Variants in CMPK2 observed in about 807,000 individuals in gnomAD.
The protein encoded by CMPK2 is cytidine/uridine monophosphate kinase 2, also known as UMP-CMP kinase 2, mitochondrial.
A neutral mutation model predicts 33.4 loss-of-function variants in CMPK2; 32 were observed. The observed-to-expected ratio is 0.96, with a 90% CI of 0.72 to 1.29. The LOEUF (loss-of-function observed/expected upper bound fraction) is 1.29, where lower values mean the gene tolerates loss of function less well. CMPK2 is among the 50% of genes most tolerant of loss of function. The probability of loss-of-function intolerance (pLI) is 0.00; values close to 1 mark genes in which losing one functional copy is unlikely to be tolerated. For synonymous variants in CMPK2, 299 were observed against 275.3 expected (o/e 1.09, Z -0.85); for missense variants, 672 against 616.0 (o/e 1.09, Z -0.96).
chr2:6,865,575 G>A lies in CMPK2; in HGVS notation c.122C>T (p.Thr41Ile), dbSNP rs1663052734. The part of the protein sequence containing the change: ...RRFVLELPDC[T>I]LAHFALGADA... ...GGCGCCTAGGGCGAAGTGAGCCAGG[G>A]TGCAGTCGGGAAGCTCCAGGACGAA... Residue 41 changes from threonine (T) to isoleucine (I), a missense_variant, in exon 1 of 5, where the codon ACC becomes ATC. Thr to Ile is a moderately conservative substitution (Grantham distance 89). Transcript: ENST00000256722. 2.3e-5 allele frequency: 32 copies of A among 1,378,944 alleles called. No individual in the cohort carries two copies. Among genetic ancestry groups the A allele is most frequent in the Non-Finnish European group, 3.0e-5 (32 of 1,066,034 alleles). The allele number at this position is 1,378,944 out of a possible 1,614,324, so 85.4% of individuals were successfully genotyped here. A position where few individuals can be genotyped will look rare whatever the true frequency, so the allele number is the denominator to read the frequency against.
chr2:6,853,837 G>A (rs1347078737), intron 3 of CMPK2, among the ~76,000 whole-genome samples: 1 of 152,092 alleles, frequency 6.6e-6, no homozygotes, highest in Non-Finnish European at 1.5e-5. Context: ...GGAAGGCAGA[G>A]CTTGCAGTGA....
At chr2:6,863,622 T>C in intron 1 of CMPK2, 44 bp from the exon 2 acceptor site, 1 of 1,462,688 alleles carries the variant, frequency 6.8e-7, no homozygotes, top group Non-Finnish European at 9.5e-7. Context: ...CCAGGGGGCT[T>C]TTGCAGAAAT....
At chr2:6,850,831 G>T in intron 4 of CMPK2, 2 of 987,198 alleles carry the variant, frequency 2.0e-6, no homozygotes, top group Non-Finnish European at 1.2e-6. Flanking sequence ...GTGTAGAACT[G>T]ATTCATACTC....
At chr2:6,850,853 A>G in intron 4 of CMPK2, 2 of 989,798 alleles carry the variant, frequency 2.0e-6, no homozygotes, top group African/African-American at 3.5e-5. Context: ...GTCATGAGGC[A>G]GGAGGCCTGG....
downstream of CMPK2, among the ~76,000 whole-genome samples, chr2:6,847,007 G>A (rs985746199): frequency 1.6e-4 from 24 of 152,160 alleles, no homozygotes; most frequent in Non-Finnish European, 2.9e-4. Flanking sequence ...GGGTGAAGTT[G>A]GAGTGAAACT....
In CMPK2 at chr2:6,841,965, G is replaced by A. The variant is rs554098640; in HGVS notation, c.993-1287C>T. Among the ~76,000 whole-genome samples, 41 of 152,282 alleles carry A rather than the reference G, an allele frequency of 2.7e-4. 1 individual carries two copies. Among genetic ancestry groups the A allele is most frequent in the African/African-American group, 8.9e-4 (37 of 41,562 alleles). Reference sequence around the variant, plus strand: ...AAGCATACTTAGAATCCATATATATGTTAACTGCCTTAGCTTTGCTTAGTT... The same window carrying A: ...AAGCATACTTAGAATCCATATATATATTAACTGCCTTAGCTTTGCTTAGTT... On this transcript the variant is annotated intron_variant, in intron 3 of 3. Coordinates refer to the CMPK2 transcript ENST00000458098.
At chr2:6,859,682 T>C (rs549243784) in intron 3 of CMPK2, among the ~76,000 whole-genome samples, 5 of 152,270 alleles carry the variant, frequency 3.3e-5, no homozygotes, top group East Asian at 3.9e-4. Flanking sequence ...AGAGGATGTA[T>C]GGAAATGCCT....
chr2:6,851,278 C>T, intron 4 of CMPK2, 172 bp downstream of exon 4: 1 of 1,451,008 alleles, frequency 6.9e-7, no homozygotes. Context: ...AATGCTGCAG[C>T]CCTGTGGTGA....
chr2:6,848,071 T>A (rs7426321), downstream of CMPK2, among the ~76,000 whole-genome samples: 3 of 152,162 alleles, frequency 2.0e-5, no homozygotes, highest in South Asian at 6.2e-4. Flanking sequence ...ATATAAAAAG[T>A]CCAGGTGTAA....
At position 6,851,611 on chromosome 2, in the gene CMPK2, GGCTGGGGGCAGGT is replaced by G; in HGVS notation, c.1052_1064del (p.His351ProfsTer23). ...CTGGCCACTGGTACACAGGGTGATG[GGCTGGGGGCAGGT>G]GCTGGAGACCCCCACTCACCTCAGT... is the stretch of plus-strand genomic sequence containing the variant. On this transcript the variant is annotated frameshift_variant, in exon 4 of 5. Coordinates refer to ENST00000256722, the MANE Select transcript of CMPK2 (RefSeq NM_207315.4). LOFTEE classifies it high-confidence loss of function. 1 of 1,614,188 alleles carries G rather than the reference GGCTGGGGGCAGGT, an allele frequency of 6.2e-7. No individual in the cohort carries two copies. The highest frequency in any genetic ancestry group is 8.5e-7 in the Non-Finnish European group (1 of 1,180,038).
rs1229882872 is a variant in CMPK2, at chr2:6,843,014, A to T, written c.993-2336T>A. The stretch of plus-strand genomic sequence containing the variant: ...TTTTTGAGAAAGTCCCTCAGTTGGG[A>T]CACAGAGGGGAATATCATCTACTTA... On this transcript the variant is annotated intron_variant, in intron 3 of 3. Coordinates refer to the CMPK2 transcript ENST00000458098. Among the ~76,000 whole-genome samples the T allele has an allele frequency of 2.1e-3, 316 of 152,310 alleles. 1 individual carries two copies. Among genetic ancestry groups the T allele is most frequent in the Non-Finnish European group, 3.5e-3 (238 of 68,022 alleles).
intron 3 of CMPK2, among the ~76,000 whole-genome samples, chr2:6,856,508 T>C (rs1662708315): frequency 6.6e-6 from 1 of 152,240 alleles, no homozygotes; most frequent in Admixed American, 6.5e-5. Flanking sequence ...TTTACATTTA[T>C]GATTAATGTT....
At chr2:6,861,098 ACACACGC>A in intron 3 of CMPK2, 79 bp downstream of exon 3, 1 of 47,638 alleles carries the variant, frequency 2.1e-5, no homozygotes, top group Non-Finnish European at 4.1e-5. Context: ...ACGTATACAC[ACACACGC>A]ACACACACAC....
rs757223880 is a variant in CMPK2, at chr2:6,865,141, G to A, written c.556C>T (p.Gln186Ter). 8.5e-6 allele frequency: 13 copies of A among 1,526,842 alleles called. No homozygotes were observed. The highest frequency in any genetic ancestry group is 1.1e-5 in the Non-Finnish European group (13 of 1,138,310). 94.6% of individuals were successfully genotyped at this position (1,526,842 alleles called of 1,614,324 possible). Residue 186 changes from glutamine to a stop codon, truncating the protein, a stop_gained, in exon 1 of 5, where the codon CAG (glutamine) becomes TAG (stop). Coordinates refer to ENST00000256722, the MANE Select transcript of CMPK2 (RefSeq NM_207315.4). LOFTEE classifies it high-confidence loss of function. ...LWEVQDGRRL[Q>*]VGCAQVVPVP... is the part of the protein sequence containing the mutation. ...GGCACGACCTGTGCGCAGCCCACCT[G>A]CAGCCGCCTGCCGTCTTGCACCTCC...
intron 3 of CMPK2, among the ~76,000 whole-genome samples, chr2:6,857,331 A>ATTT (rs796422164): frequency 8.0e-6 from 1 of 125,418 alleles, no homozygotes; most frequent in Admixed American, 8.0e-5. Flanking sequence ...TGTTTTTGGG[A>ATTT]TTTTTTTTTT....
Position 6,849,933 on chromosome 2 carries a change from G to A in CMPK2, c.1267C>T (p.His423Tyr). Residue 423 changes from histidine (H) to tyrosine (Y), a missense_variant, in exon 5 of 5, where the codon CAT (histidine) becomes TAT (tyrosine). Transcript: ENST00000256722. Reference protein sequence around the residue: ...SYQRMENPGCHVVDASPSREK... With the variant: ...SYQRMENPGCYVVDASPSREK... ...CTGGAGGGGCTGGCATCAACCACAT[G>A]GCAGCCAGGATTCTCCATCCGCTGG... 4 of 1,614,106 alleles carry A rather than the reference G, an allele frequency of 2.5e-6. No individual in the cohort carries two copies. Among genetic ancestry groups the A allele is most frequent in the Non-Finnish European group, 3.4e-6 (4 of 1,180,010 alleles).
rs1219643073 is a variant in CMPK2, at chr2:6,849,139, A to G, written c.*711T>C. On this transcript the variant is annotated 3_prime_UTR_variant, in exon 5 of 5. Coordinates refer to ENST00000256722, the MANE Select transcript of CMPK2 (RefSeq NM_207315.4). ...AAAAGAAAAGAAATATAAATAAGCA[A>G]AATATAATTCAGAGAAGGTTGGTAT... 1 of 984,214 alleles carries G rather than the reference A, an allele frequency of 1.0e-6. No individual in the cohort carries two copies. Among genetic ancestry groups the G allele is most frequent in the East Asian group, 1.1e-4 (1 of 8,830 alleles). The allele number at this position is 984,214 out of a possible 1,614,324, so 61.0% of individuals were successfully genotyped here.
rs1662712935 is a variant in CMPK2 at position 6,856,707 on chromosome 2, C to T, written c.992+4477G>A. On this transcript the variant is annotated intron_variant, in intron 3 of 4. Coordinates refer to ENST00000256722, the MANE Select transcript of CMPK2 (RefSeq NM_207315.4). Reference sequence around the variant, plus strand: ...CAACTTTCTTAAATCTGCTGTTCAACATCCTTTCATCTCTCTACTCTTTGC... The same window carrying T: ...CAACTTTCTTAAATCTGCTGTTCAATATCCTTTCATCTCTCTACTCTTTGC... Among the ~76,000 whole-genome samples the T allele has an allele frequency of 2.6e-5, 4 of 152,214 alleles. No homozygotes were observed. In the South Asian group the frequency reaches 8.3e-4, roughly 31 times the overall value.
rs576620016 is a variant in CMPK2 at position 6,853,754 on chromosome 2, T to G, written c.993-2071A>C. ...CGTCTTTACTAAATATACAAAAAAT[T>G]AGCCGGGCGTGGTGGCGGGCACCTG... On this transcript the variant is annotated intron_variant, in intron 3 of 4. Coordinates refer to ENST00000256722, the MANE Select transcript of CMPK2 (RefSeq NM_207315.4). Among the ~76,000 whole-genome samples, 3 of 152,078 alleles carry G rather than the reference T, an allele frequency of 2.0e-5. No individual in the cohort carries two copies. In the South Asian group the frequency reaches 6.2e-4, roughly 32 times the overall value.
Sources: allele counts gnomAD v4.1 joint callset (sites outside exome capture counted in the v4.1 genomes callset), GRCh38; gene constraint gnomAD v4.1.1; transcripts MANE v1.5; gene names NCBI Gene and HGNC (gene_info 2026-07-23, HGNC 2026-07-21).